Variants in SPATA31H1 observed in about 807,000 individuals in gnomAD.
The protein encoded by SPATA31H1 is spermatogenesis-associated protein 31H1.
chr2:27,582,383 T>TA, the SPATA31H1 span: 1 of 1,614,054 alleles, frequency 6.2e-7, no homozygotes, highest in African/African-American at 1.3e-5. Flanking sequence ...GCAGTCCCCT[T>TA]AAGGAGGGAC....
At chr2:27,579,832 A>C in the SPATA31H1 span, 6 of 1,614,172 alleles carry the variant, frequency 3.7e-6, no homozygotes, top group Non-Finnish European at 5.1e-6. Context: ...CAGTTGCTAG[A>C]AGATCTGCAG....
chr2:27,544,279 T>C, the SPATA31H1 span, among the ~76,000 whole-genome samples: 2 of 152,126 alleles, frequency 1.3e-5, no homozygotes, highest in South Asian at 4.1e-4. Flanking sequence ...GATAAATTTA[T>C]ATACCCATGT....
At chr2:27,579,244 C>T in the SPATA31H1 span, 88 of 1,614,060 alleles carry the variant, frequency 5.5e-5, no homozygotes, top group Admixed American at 2.2e-4. Flanking sequence ...TATCTCTCCA[C>T]TATGCTAATG....
At chr2:27,582,457 C>A in the SPATA31H1 span, 2 of 1,614,034 alleles carry the variant, frequency 1.2e-6, no homozygotes, top group Non-Finnish European at 1.7e-6. Flanking sequence ...AAGAATCAAA[C>A]AACTCTCCTC....
chr2:27,569,742 G>C, the SPATA31H1 span: 26 of 398,890 alleles, frequency 6.5e-5, no homozygotes, highest in South Asian at 7.6e-4. Context: ...GCCATTGGAG[G>C]ATTTGACTAA....
At chr2:27,541,550 C>T in the SPATA31H1 span, among the ~76,000 whole-genome samples, 1 of 151,990 alleles carries the variant, frequency 6.6e-6, no homozygotes, top group African/African-American at 2.4e-5. Flanking sequence ...GTGAAATGAA[C>T]GAACGACTTC....
the SPATA31H1 span, among the ~76,000 whole-genome samples, chr2:27,548,548 C>T: frequency 0.2 from 29,965 of 148,668 alleles, 3,324 homozygotes; most frequent in East Asian, 0.36. Context: ...GAAGAGGTTG[C>T]ATTGAGCCAA....
the SPATA31H1 span, chr2:27,576,911 T>C: frequency 1.2e-5 from 19 of 1,614,098 alleles, no homozygotes; most frequent in Middle Eastern, 3.3e-4. Flanking sequence ...GAACAAATTA[T>C]CAAATCATGG....
At chr2:27,548,533 C>G in the SPATA31H1 span, among the ~76,000 whole-genome samples, 1 of 146,480 alleles carries the variant, frequency 6.8e-6, no homozygotes, top group African/African-American at 2.5e-5. Context: ...ACTTGAGCCT[C>G]GGGGGAAGAG....
At chr2:27,538,017 C>T in the SPATA31H1 span, among the ~76,000 whole-genome samples, 26 of 152,028 alleles carry the variant, frequency 1.7e-4, no homozygotes, top group African/African-American at 6.0e-4. Context: ...AGAGGGAATA[C>T]ATTGGAAAAA....
the SPATA31H1 span, among the ~76,000 whole-genome samples, chr2:27,543,785 C>G: frequency 7.2e-5 from 11 of 151,888 alleles, no homozygotes; most frequent in Non-Finnish European, 1.3e-4. Context: ...CTCTTAACAC[C>G]AGAAGGGCTC....
At chr2:27,553,931 A>AG in the SPATA31H1 span, among the ~76,000 whole-genome samples, 6 of 151,592 alleles carry the variant, frequency 4.0e-5, no homozygotes, top group Admixed American at 3.9e-4. Context: ...TCAAAAAAAA[A>AG]GAAAAGAAAT....
At chr2:27,581,906 T>C in the SPATA31H1 span, 3 of 1,610,642 alleles carry the variant, frequency 1.9e-6, no homozygotes, top group African/African-American at 1.3e-5. Flanking sequence ...GCAGTCCCTC[T>C]GAGAGAAGAC....
chr2:27,549,943 A>C, the SPATA31H1 span, among the ~76,000 whole-genome samples: 1 of 151,946 alleles, frequency 6.6e-6, no homozygotes, highest in Admixed American at 6.5e-5. Flanking sequence ...AGGCATGAGC[A>C]ACCATACCCA....
At chr2:27,570,166 T>G in the SPATA31H1 span, 12 of 398,902 alleles carry the variant, frequency 3.0e-5, no homozygotes, top group East Asian at 4.3e-4. Flanking sequence ...CATATGCAGT[T>G]GACACCAGGA....
chr2:27,539,253 C>CGGAA, the SPATA31H1 span, among the ~76,000 whole-genome samples: 3 of 149,644 alleles, frequency 2.0e-5, no homozygotes, highest in Admixed American at 1.3e-4. Flanking sequence ...GAGGACCCTG[C>CGGAA]GGCCTTCCGG....
chr2:27,568,232 G>A, the SPATA31H1 span: 1 of 399,046 alleles, frequency 2.5e-6, no homozygotes, highest in Non-Finnish European at 4.4e-6. Flanking sequence ...TGAACACATT[G>A]TTGAACCATC....
chr2:27,539,126 TA>T, the SPATA31H1 span, among the ~76,000 whole-genome samples: 3,627 of 92,506 alleles, frequency 0.039, 133 homozygotes, highest in African/African-American at 0.12. Flanking sequence ...TTTTTTTTTT[TA>T]ATTGATCATT....
At chr2:27,560,257 C>G in the SPATA31H1 span, among the ~76,000 whole-genome samples, 1 of 152,048 alleles carries the variant, frequency 6.6e-6, no homozygotes, top group African/African-American at 2.4e-5. Flanking sequence ...TGTTTCTGCA[C>G]TTGTCCTTAT....
Sources: gnomAD v4.1 joint callset for allele counts (sites outside exome capture counted in the v4.1 genomes callset) on GRCh38, gnomAD v4.1.1 for gene constraint, MANE v1.5 for transcripts, NCBI Gene and HGNC (gene_info 2026-07-23, HGNC 2026-07-21) for gene names.